GALNT13: variants seen among roughly 807,000 people sequenced by gnomAD.
The protein encoded by GALNT13 is polypeptide N-acetylgalactosaminyltransferase 13, also known as UDP-GalNAc:polypeptide N-acetylgalactosaminyltransferase 13.
Under a neutral mutation model 64.2 loss-of-function variants are expected in GALNT13, and 28 were observed. The observed-to-expected ratio is 0.44, with a 90% confidence interval of 0.32 to 0.60. GALNT13 has a LOEUF of 0.60. GALNT13 is among the 20% of genes least tolerant of loss of function. GALNT13 has a pLI of 0.05. For synonymous variants in GALNT13, 214 were observed against 224.6 expected, an observed-to-expected ratio of 0.95 and a Z score of 0.42; for missense variants, 577 against 669.8, an observed-to-expected ratio of 0.86 and a Z score of 1.53.
chr2:153,549,326 G>A, the GALNT13 span, among the ~76,000 whole-genome samples: 1 of 152,310 alleles, frequency 6.6e-6, no homozygotes, highest in African/African-American at 2.4e-5. Flanking sequence ...GAACAGTAAA[G>A]TTCCCGTATT....
intron 1 of GALNT13, among the ~76,000 whole-genome samples, chr2:153,883,544 A>G (rs1686927831): frequency 6.6e-6 from 1 of 152,108 alleles, no homozygotes; most frequent in Admixed American, 6.6e-5. Flanking sequence ...GTTGAACCTC[A>G]GCAAACTATG....
chr2:153,176,296 G>T, the GALNT13 span, among the ~76,000 whole-genome samples: 10 of 152,112 alleles, frequency 6.6e-5, no homozygotes, highest in Non-Finnish European at 1.5e-4. Context: ...GGGATATGCT[G>T]TGAGGTTTCC....
the GALNT13 span, among the ~76,000 whole-genome samples, chr2:153,340,622 T>C: frequency 1.3e-5 from 2 of 151,020 alleles, no homozygotes; most frequent in Non-Finnish European, 2.9e-5. Context: ...ACCAACGCAC[T>C]CCAGCCTGGG....
At chr2:153,389,725 A>G in the GALNT13 span, among the ~76,000 whole-genome samples, 1 of 152,098 alleles carries the variant, frequency 6.6e-6, no homozygotes, top group Non-Finnish European at 1.5e-5. Flanking sequence ...AATGTTTTCT[A>G]CAGTGGCACC....
chr2:153,546,027 T>C, the GALNT13 span, among the ~76,000 whole-genome samples: 6 of 152,206 alleles, frequency 3.9e-5, no homozygotes, highest in African/African-American at 1.4e-4. Context: ...CCTTGGAAGA[T>C]ACTCTCTTCC....
intron 4 of GALNT13, among the ~76,000 whole-genome samples, chr2:154,215,561 C>A (rs534127419): frequency 6.6e-6 from 1 of 152,146 alleles, no homozygotes; most frequent in Non-Finnish European, 1.5e-5. Context: ...TCTTTTCCAG[C>A]CAATAGGTAG....
chr2:153,538,114 G>C, the GALNT13 span, among the ~76,000 whole-genome samples: 1 of 152,078 alleles, frequency 6.6e-6, no homozygotes, highest in Non-Finnish European at 1.5e-5. Context: ...AAGATGCTGA[G>C]AGTGATCTAG....
At chr2:153,263,695 G>T in the GALNT13 span, among the ~76,000 whole-genome samples, 1 of 152,136 alleles carries the variant, frequency 6.6e-6, no homozygotes, top group African/African-American at 2.4e-5. Flanking sequence ...AAGCAGTGGG[G>T]AAATAATTCC....
Position 154,269,314 on chromosome 2 carries a change from T to C in GALNT13, c.975+10176T>C, listed in dbSNP as rs147453003. ...ATCAGCCGTAATAATTTATTAGAAA[T>C]CATTTTAGACAAAAATCCAGCTGAT... On this transcript the variant is annotated intron_variant, in intron 8 of 12. Coordinates refer to ENST00000392825, the MANE Select transcript of GALNT13 (RefSeq NM_052917.4). 2.2e-4 allele frequency among the ~76,000 whole-genome samples: 34 copies of C among 152,184 alleles called. No homozygotes were observed. The East Asian group carries it at 5.8e-3, about 26-fold the overall frequency.
the GALNT13 span, among the ~76,000 whole-genome samples, chr2:153,094,635 CTA>C: frequency 2.0e-5 from 3 of 152,212 alleles, no homozygotes; most frequent in Non-Finnish European, 1.5e-5. Context: ...TGACTTCAAA[CTA>C]TACTACAAGG....
chr2:154,046,170 AAAG>A (rs1223306647), intron 3 of GALNT13, among the ~76,000 whole-genome samples: 4 of 152,108 alleles, frequency 2.6e-5, no homozygotes, highest in Non-Finnish European at 5.9e-5. Flanking sequence ...AAAAATAAAA[AAAG>A]AAGAAGATGG....
At chr2:154,055,236 G>T (rs1699837444) in intron 3 of GALNT13, among the ~76,000 whole-genome samples, 1 of 151,992 alleles carries the variant, frequency 6.6e-6, no homozygotes, top group Admixed American at 6.5e-5. Flanking sequence ...TAATATCTTT[G>T]ATGGGTTTCT....
intron 9 of GALNT13, among the ~76,000 whole-genome samples, chr2:154,304,956 G>A (rs1693649798): frequency 6.6e-6 from 1 of 152,182 alleles, no homozygotes; most frequent in African/African-American, 2.4e-5. Flanking sequence ...AGTGTGGGCA[G>A]AGGGAGGAAA....
At chr2:154,300,597 AG>A (rs1162688078) in intron 8 of GALNT13, among the ~76,000 whole-genome samples, 7 of 151,892 alleles carry the variant, frequency 4.6e-5, no homozygotes, top group Non-Finnish European at 1.0e-4. Flanking sequence ...TTGTATGTAT[AG>A]TATTGTGTGT....
chr2:154,255,748 C>T (rs2105896002), intron 7 of GALNT13, among the ~76,000 whole-genome samples: 1 of 152,082 alleles, frequency 6.6e-6, no homozygotes, highest in Non-Finnish European at 1.5e-5. Flanking sequence ...TGAGAAGAGT[C>T]CAAAACTTTT....
chr2:153,321,589 C>G, the GALNT13 span, among the ~76,000 whole-genome samples: 1 of 152,118 alleles, frequency 6.6e-6, no homozygotes, highest in East Asian at 1.9e-4. Context: ...TTAAGAACAT[C>G]TAGAGATTTT....
At chr2:154,162,564 A>G (rs1684794694) in intron 4 of GALNT13, among the ~76,000 whole-genome samples, 1 of 152,236 alleles carries the variant, frequency 6.6e-6, no homozygotes, top group African/African-American at 2.4e-5. Context: ...CCATGTCTTC[A>G]TATTCATTTC....
chr2:153,946,833 G>A (rs192012412), intron 3 of GALNT13, among the ~76,000 whole-genome samples: 3 of 152,186 alleles, frequency 2.0e-5, no homozygotes, highest in African/African-American at 7.2e-5. Context: ...ATGGAAAATA[G>A]ACTTGAGGGT....
chr2:154,390,105 A>G (rs1223928272), intron 9 of GALNT13, among the ~76,000 whole-genome samples: 1 of 152,232 alleles, frequency 6.6e-6, no homozygotes, highest in Non-Finnish European at 1.5e-5. Flanking sequence ...TATCAGTTCT[A>G]TGGGACAGTT....
Sources: allele counts gnomAD v4.1 joint callset (sites outside exome capture counted in the v4.1 genomes callset), GRCh38; gene constraint gnomAD v4.1.1; transcripts MANE v1.5; gene names NCBI Gene and HGNC (gene_info 2026-07-23, HGNC 2026-07-21).